The following CNTNAP5 variants were observed in gnomAD, a reference collection of about 807,000 sequenced individuals.
CNTNAP5 encodes contactin-associated protein-like 5.
Under a neutral mutation model 150.2 loss-of-function variants are expected in CNTNAP5, and 72 were observed. The ratio of observed to expected loss-of-function variants is 0.48; its 90% CI spans 0.40 to 0.58. CNTNAP5 has a LOEUF of 0.58. Among genes scored for constraint, CNTNAP5 ranks in the 20% least tolerant of loss-of-function variants. The pLI, the probability that CNTNAP5 is intolerant of heterozygous loss-of-function variation, is 0.00. For synonymous variants in CNTNAP5, 672 were observed against 619.8 expected (o/e 1.08, Z -1.25); for missense variants, 1,636 against 1,626.2 (o/e 1.01, Z -0.10).
At chr2:124,811,962 A>T (rs1208199215) in intron 19 of CNTNAP5, among the ~76,000 whole-genome samples, 49 of 112,084 alleles carry the variant, frequency 4.4e-4, no homozygotes, top group African/African-American at 9.5e-4. Context: ...ATATATATAT[A>T]TTTTTTATAA....
At chr2:124,067,758 C>T (rs1012204908) in intron 1 of CNTNAP5, among the ~76,000 whole-genome samples, 2 of 152,142 alleles carry the variant, frequency 1.3e-5, no homozygotes, top group African/African-American at 4.8e-5. Context: ...ATGGAGAACA[C>T]ACTGTTCAAT....
intron 13 of CNTNAP5, among the ~76,000 whole-genome samples, chr2:124,721,328 A>C (rs1449395626): frequency 1.3e-5 from 2 of 151,966 alleles, no homozygotes; most frequent in African/African-American, 4.8e-5. Flanking sequence ...AAATACAAAA[A>C]CTAGCCAGGC....
Position 124,845,790 on chromosome 2 carries a change from AC to A in CNTNAP5, c.3218-19514del, listed in dbSNP as rs978790132. Among the ~76,000 whole-genome samples the A allele has an allele frequency of 1.1e-4, 17 of 152,058 alleles. 1 individual carries two copies. Among genetic ancestry groups the A allele is most frequent in the African/African-American group, 4.1e-4 (17 of 41,528 alleles). ...TATGTGCATAAAGGTGTTCATAATA[AC>A]CTTTAATAATCTTTTGTATTTTTGT... On this transcript the variant is annotated intron_variant, in intron 19 of 23. Transcript: ENST00000682447.
At chr2:124,088,396 T>G (rs1023504062) in intron 1 of CNTNAP5, among the ~76,000 whole-genome samples, 4 of 152,178 alleles carry the variant, frequency 2.6e-5, no homozygotes, top group Non-Finnish European at 4.4e-5. Flanking sequence ...TTTATCATGG[T>G]TGTTTTTAAA....
In CNTNAP5 at chr2:124,527,405, C is replaced by T; in HGVS notation, c.1598C>T (p.Ser533Phe). The T allele has an allele frequency of 6.2e-7, 1 of 1,613,688 alleles. No homozygotes were observed. Among genetic ancestry groups the T allele is most frequent in the Non-Finnish European group, 8.5e-7 (1 of 1,179,706 alleles). ...PKDLISVQQGSLGNFSDLHID... is the reference protein window; with the variant it reads ...PKDLISVQQGFLGNFSDLHID... Reference sequence around the variant, plus strand: ...GACCTCATTTCAGTTCAGCAAGGTTCCCTGGGGAATTTTAGTGATTTACAC... The same window carrying T: ...GACCTCATTTCAGTTCAGCAAGGTTTCCTGGGGAATTTTAGTGATTTACAC... The change falls in exon 10 of 24, where the codon TCC becomes TTC. Residue 533 changes from serine (S) to phenylalanine (F), a missense_variant. Ser to Phe is a radical substitution (Grantham distance 155, BLOSUM62 -2). Coordinates refer to ENST00000682447, the MANE Select transcript of CNTNAP5 (RefSeq NM_001367498.1).
At chr2:124,696,425 A>G (rs1466475145) in intron 13 of CNTNAP5, among the ~76,000 whole-genome samples, 1 of 152,130 alleles carries the variant, frequency 6.6e-6, no homozygotes, top group Non-Finnish European at 1.5e-5. Context: ...TCTTAGTTTT[A>G]CTTATCTTTT....
At chr2:124,754,869 G>A (rs1360214289) in intron 14 of CNTNAP5, among the ~76,000 whole-genome samples, 1 of 151,206 alleles carries the variant, frequency 6.6e-6, no homozygotes, top group Non-Finnish European at 1.5e-5. Context: ...TTTTTTTTTA[G>A]GCAGAATGTT....
intron 1 of CNTNAP5, among the ~76,000 whole-genome samples, chr2:124,218,085 T>A (rs978432040): frequency 7.2e-5 from 11 of 151,936 alleles, no homozygotes; most frequent in African/African-American, 2.4e-4. Context: ...TTCCTTTGCT[T>A]TAAGAATCTG....
chr2:124,621,339 G>A (rs1297143553), intron 12 of CNTNAP5, among the ~76,000 whole-genome samples: 1 of 152,136 alleles, frequency 6.6e-6, no homozygotes, highest in Non-Finnish European at 1.5e-5. Context: ...GGCATTACAA[G>A]GAATTTGCAA....
At position 124,507,942 on chromosome 2, in the gene CNTNAP5, A is replaced by G. The variant is rs182778529; in HGVS notation, c.1327+3386A>G. 2.2e-4 allele frequency among the ~76,000 whole-genome samples: 34 copies of G among 152,342 alleles called. No individual in the cohort carries two copies. The East Asian group carries it at 5.2e-3, about 23-fold the overall frequency. On this transcript the variant is annotated intron_variant, in intron 8 of 23. Coordinates refer to ENST00000682447, the MANE Select transcript of CNTNAP5 (RefSeq NM_001367498.1). ...TTTATAATCTAATATTGAAAATGGC[A>G]TCTCGTCACTTCTGTCATATTCTAT...
At chr2:124,307,268 C>T (rs1169588431) in intron 3 of CNTNAP5, among the ~76,000 whole-genome samples, 1 of 152,136 alleles carries the variant, frequency 6.6e-6, no homozygotes, top group Admixed American at 6.5e-5. Context: ...AGAGAGAGAT[C>T]TTGTGTCTCT....
At chr2:124,326,695 C>T (rs1187365445) in intron 3 of CNTNAP5, among the ~76,000 whole-genome samples, 2 of 152,122 alleles carry the variant, frequency 1.3e-5, no homozygotes, top group African/African-American at 4.8e-5. Flanking sequence ...GAGGCCGAGG[C>T]AGCCTGATCA....
chr2:124,117,198 G>C (rs776919329), intron 1 of CNTNAP5, among the ~76,000 whole-genome samples: 3 of 152,068 alleles, frequency 2.0e-5, no homozygotes, highest in South Asian at 2.1e-4. Flanking sequence ...CATCTTCCTA[G>C]GGCAGAAACC....
At chr2:124,820,369 T>C (rs1048103620) in intron 19 of CNTNAP5, among the ~76,000 whole-genome samples, 1 of 152,052 alleles carries the variant, frequency 6.6e-6, no homozygotes, top group Admixed American at 6.6e-5. Context: ...TCCATAATGA[T>C]ATCTAAACCA....
At chr2:124,724,055 G>T (rs1680103185) in intron 13 of CNTNAP5, among the ~76,000 whole-genome samples, 1 of 151,846 alleles carries the variant, frequency 6.6e-6, no homozygotes, top group African/African-American at 2.4e-5. Context: ...TGAGCCATGA[G>T]AATCCCTTGA....
At chr2:124,898,330 C>A (rs980394165) in intron 21 of CNTNAP5, among the ~76,000 whole-genome samples, 1 of 151,230 alleles carries the variant, frequency 6.6e-6, no homozygotes, top group Admixed American at 6.6e-5. Flanking sequence ...CTGTTTTTAG[C>A]GAATTTCTGA....
intron 1 of CNTNAP5, among the ~76,000 whole-genome samples, chr2:124,079,919 C>T (rs1682523199): frequency 6.6e-6 from 1 of 152,162 alleles, no homozygotes; most frequent in South Asian, 2.1e-4. Context: ...TAAAACATGG[C>T]TAACCTCAAG....
chr2:124,476,340 T>C (rs1055921797), intron 7 of CNTNAP5, among the ~76,000 whole-genome samples: 1 of 152,116 alleles, frequency 6.6e-6, no homozygotes, highest in Non-Finnish European at 1.5e-5. Context: ...ATTGACAAAA[T>C]GTAAAGAAAA....
At chr2:124,448,983 C>T (rs1692897199) in intron 6 of CNTNAP5, among the ~76,000 whole-genome samples, 1 of 152,158 alleles carries the variant, frequency 6.6e-6, no homozygotes, top group Non-Finnish European at 1.5e-5. Context: ...CCTTGGACAG[C>T]CTGCTAGCAG....
Sources: gnomAD v4.1 joint callset for allele counts (sites outside exome capture counted in the v4.1 genomes callset) on GRCh38, gnomAD v4.1.1 for gene constraint, MANE v1.5 for transcripts, NCBI Gene and HGNC (gene_info 2026-07-23, HGNC 2026-07-21) for gene names.